CNOT4: variants seen among roughly 807,000 people sequenced by gnomAD.
CNOT4 encodes the protein CCR4-NOT transcription complex subunit 4, also known as CCR4-associated factor 4.
A neutral mutation model predicts 73.8 loss-of-function variants in CNOT4; 8 were observed. The ratio of observed to expected loss-of-function variants is 0.11; its 90% CI spans 0.06 to 0.20. The LOEUF is 0.20. CNOT4 is among the 10% of genes least tolerant of loss of function. The pLI is 1.00. For missense variants in CNOT4, 564 were observed against 883.4 expected, an observed-to-expected ratio of 0.64 and a Z score of 4.58; for synonymous variants, 293 against 321.1, an observed-to-expected ratio of 0.91 and a Z score of 0.94.
chr7:135,431,872 A>AT (rs1798870097), intron 2 of CNOT4, among the ~76,000 whole-genome samples: 1 of 152,224 alleles, frequency 6.6e-6, no homozygotes, highest in South Asian at 2.1e-4. Flanking sequence ...TAAAACATGT[A>AT]AAGATATACC....
intron 6 of CNOT4, among the ~76,000 whole-genome samples, chr7:135,411,468 C>T (rs1175764157): frequency 6.6e-6 from 1 of 151,872 alleles, no homozygotes; most frequent in Non-Finnish European, 1.5e-5. Flanking sequence ...AAAAGTTTGC[C>T]AACCTCTGCT....
At chr7:135,429,185 G>C (rs189497071) in intron 2 of CNOT4, among the ~76,000 whole-genome samples, 2 of 152,186 alleles carry the variant, frequency 1.3e-5, no homozygotes, top group Admixed American at 6.5e-5. Context: ...TGACTTTGTG[G>C]AACTTTTGCC....
chr7:135,425,990 G>A (rs1798472342), intron 2 of CNOT4, among the ~76,000 whole-genome samples: 1 of 152,026 alleles, frequency 6.6e-6, no homozygotes, highest in African/African-American at 2.4e-5. Flanking sequence ...CACTTAGGGA[G>A]GGTGAGGTAG....
intron 1 of CNOT4, among the ~76,000 whole-genome samples, chr7:135,495,272 AG>A (rs1175232431): frequency 6.6e-6 from 1 of 152,188 alleles, no homozygotes; most frequent in African/African-American, 2.4e-5. Flanking sequence ...TGGGAGGCCA[AG>A]GCGGGTAGAT....
chr7:135,388,336 T>C (rs1421469318), intron 10 of CNOT4: 35 of 984,912 alleles, frequency 3.6e-5, no homozygotes, highest in Non-Finnish European at 4.2e-5. Context: ...TTTTGTTTTA[T>C]ATGTATTCTT....
intron 3 of CNOT4, among the ~76,000 whole-genome samples, chr7:135,415,790 T>C (rs1002015294): frequency 7.2e-5 from 11 of 152,176 alleles, no homozygotes; most frequent in African/African-American, 2.7e-4. Flanking sequence ...CCCTCTATGC[T>C]TTATGATTTA....
chr7:135,424,036 ACAAAACACACACAC>A (rs924366710), intron 2 of CNOT4, among the ~76,000 whole-genome samples: 1 of 135,140 alleles, frequency 7.4e-6, no homozygotes, highest in Non-Finnish European at 1.6e-5. Context: ...AAACAAACAA[ACAAAACACACACAC>A]ACACACACAC....
Position 135,363,493 on chromosome 7 carries a change from T to G in CNOT4, c.1841-307A>C, listed in dbSNP as rs940419060. ...TGTGCTTTTCCTCCTCTGACAGGGA[T>G]GCGTAACAAGACAGCCTTATAATAG... On this transcript the variant is annotated intron_variant, in intron 11 of 11. Transcript: ENST00000541284. The surrounding 1 kb of genome is among the most constrained non-coding windows in gnomAD (Gnocchi z 4.3). 6.6e-6 allele frequency among the ~76,000 whole-genome samples: 1 copy of G among 152,202 alleles called. No homozygotes were observed. Among genetic ancestry groups the G allele is most frequent in the African/African-American group, 2.4e-5 (1 of 41,454 alleles).
intron 1 of CNOT4, among the ~76,000 whole-genome samples, chr7:135,499,108 C>T (rs1405845487): frequency 6.6e-6 from 1 of 152,148 alleles, no homozygotes; most frequent in Admixed American, 6.5e-5. Flanking sequence ...GAGTGCCTAA[C>T]TACAACATTA....
chr7:135,420,901 A>C (rs1242741164), intron 3 of CNOT4, among the ~76,000 whole-genome samples: 1 of 152,102 alleles, frequency 6.6e-6, no homozygotes. Flanking sequence ...TCTTTGCTGA[A>C]CATTTCTTAC....
At chr7:135,391,646 G>A (rs1272416343) in intron 10 of CNOT4, among the ~76,000 whole-genome samples, 1 of 151,968 alleles carries the variant, frequency 6.6e-6, no homozygotes, top group Non-Finnish European at 1.5e-5. Context: ...TTTCCATAAA[G>A]CATCTACTTT....
At chr7:135,475,436 G>T (rs1006164417) in intron 1 of CNOT4, among the ~76,000 whole-genome samples, 2 of 152,092 alleles carry the variant, frequency 1.3e-5, no homozygotes, top group African/African-American at 4.8e-5. Flanking sequence ...AGCTCTCAGT[G>T]TGCAGTGAAA....
At chr7:135,371,266 T>TA (rs1291239282) in intron 10 of CNOT4, among the ~76,000 whole-genome samples, 1 of 152,232 alleles carries the variant, frequency 6.6e-6, no homozygotes, top group African/African-American at 2.4e-5. Context: ...CCATCAAGCA[T>TA]ACTACCAACC....
chr7:135,404,509 A>G (rs554384512), intron 7 of CNOT4, among the ~76,000 whole-genome samples: 3 of 152,172 alleles, frequency 2.0e-5, no homozygotes, highest in South Asian at 4.1e-4. Context: ...AAATATCCTG[A>G]GGCCTATTCA....
chr7:135,380,485 C>T (rs1264604039), intron 10 of CNOT4, among the ~76,000 whole-genome samples: 1 of 152,216 alleles, frequency 6.6e-6, no homozygotes, highest in Non-Finnish European at 1.5e-5. Flanking sequence ...ACTCCAAGAT[C>T]ACTGGGCCAC....
chr7:135,431,480 A>G (rs113336106), intron 2 of CNOT4, among the ~76,000 whole-genome samples: 3,048 of 152,320 alleles, frequency 0.02, 110 homozygotes, highest in African/African-American at 0.07. Flanking sequence ...GCGGTGGCTC[A>G]CGCTTGTAAT....
rs982975873 is a variant in CNOT4, at chr7:135,394,063, C to G, written c.1482G>C (p.Gln494His). The change falls in exon 10 of 12, where the codon CAG becomes CAC. Residue 494 changes from glutamine to histidine, a missense_variant. By Grantham distance (24) the Gln-to-His change is conservative. Coordinates refer to ENST00000541284, the MANE Select transcript of CNOT4 (RefSeq NM_001190850.2). The part of the protein sequence containing the change: ...AVYNSFSFPG[Q>H]AARYPWMAFP... ...AGGCCATCCAAGGATAGCGGGCTGC[C>G]TGGCCTGGAAAACTGAATGAATTAT... The G allele has an allele frequency of 1.2e-6, 2 of 1,614,038 alleles. No individual in the cohort carries two copies. Among genetic ancestry groups the G allele is most frequent in the African/African-American group, 1.3e-5 (1 of 74,908 alleles).
At chr7:135,446,315 G>GA (rs1376540641) in intron 1 of CNOT4, among the ~76,000 whole-genome samples, 1 of 152,090 alleles carries the variant, frequency 6.6e-6, no homozygotes, top group Non-Finnish European at 1.5e-5. Context: ...TTGAGATGCT[G>GA]AAAAAATTTC....
chr7:135,393,759 T>C (rs1796522901), intron 10 of CNOT4, among the ~76,000 whole-genome samples, 159 bp downstream of exon 10: 1 of 152,188 alleles, frequency 6.6e-6, no homozygotes, highest in Non-Finnish European at 1.5e-5. Context: ...AAGGCATCCA[T>C]CTAATGAAAA....
Sources: allele counts gnomAD v4.1 joint callset (sites outside exome capture counted in the v4.1 genomes callset), GRCh38; gene constraint gnomAD v4.1.1; non-coding constraint Gnocchi (gnomAD v3.1); transcripts MANE v1.5; gene names NCBI Gene and HGNC (gene_info 2026-07-23, HGNC 2026-07-21).